THBD: variants seen among roughly 807,000 people sequenced by gnomAD.
The protein encoded by THBD is CD141 antigen.
For synonymous variants in THBD, 449 were observed against 374.2 expected (o/e 1.20, Z -2.31); for missense variants, 850 against 816.9 (o/e 1.04, Z -0.49).
In THBD at chr20:23,047,942, G is replaced by A; in HGVS notation, c.1563C>T (p.Ile521=). 1 of 1,609,774 alleles carries A rather than the reference G, an allele frequency of 6.2e-7. No homozygotes were observed. The highest frequency in any genetic ancestry group is 1.1e-5 in the South Asian group (1 of 90,470). The change falls in exon 1 of 1, where the codon ATC becomes ATT. Residue 521 remains isoleucine (I), a synonymous_variant. Transcript: ENST00000377103. Reference sequence around the variant, plus strand: ...CCACCAGGCACAGGCTCGCGATGGAGATGCCTATGAGCAAGCCCGAATGCA... The same window carrying A: ...CCACCAGGCACAGGCTCGCGATGGAAATGCCTATGAGCAAGCCCGAATGCA... ...GLVHSGLLIG[I]SIASLCLVVA... is the part of the protein sequence containing the mutation.
rs3176124 is a variant in THBD, at chr20:23,046,308, G to A, written c.*1469C>T. 527 of 152,480 alleles carry A rather than the reference G, an allele frequency of 3.5e-3. 2 individuals are homozygous for A. Among genetic ancestry groups the A allele is most frequent in the Non-Finnish European group, 5.1e-3 (345 of 68,008 alleles). The allele number at this position is 152,480 out of a possible 1,614,324, so 9.4% of individuals were successfully genotyped here. A position where few individuals can be genotyped will look rare whatever the true frequency, so the allele number is the denominator to read the frequency against. On this transcript the variant is annotated 3_prime_UTR_variant, in exon 1 of 1. Coordinates refer to ENST00000377103, the MANE Select transcript of THBD (RefSeq NM_000361.3). Reference sequence around the variant, plus strand: ...CACAAAGAAAATTCCTCAGTTTCTTGAAAATAAGGGCCTGACTTGGCCTGC... The same window carrying A: ...CACAAAGAAAATTCCTCAGTTTCTTAAAAATAAGGGCCTGACTTGGCCTGC...
rs1243541360 is a variant in THBD at position 23,047,940 on chromosome 20, G to A, written c.1565C>T (p.Ser522Phe). 3 of 1,609,798 alleles carry A rather than the reference G, an allele frequency of 1.9e-6. No individual in the cohort carries two copies. The highest frequency in any genetic ancestry group is 1.7e-5 in the Admixed American group (1 of 59,486). Reference sequence around the variant, plus strand: ...CACCACCAGGCACAGGCTCGCGATGGAGATGCCTATGAGCAAGCCCGAATG... The same window carrying A: ...CACCACCAGGCACAGGCTCGCGATGAAGATGCCTATGAGCAAGCCCGAATG... ...LVHSGLLIGI[S>F]IASLCLVVAL... Residue 522 changes from serine (S) to phenylalanine (F), a missense_variant, in exon 1 of 1, where the codon TCC becomes TTC. Ser to Phe is a radical substitution (Grantham distance 155). Transcript: ENST00000377103.
chr20:23,049,665 T>C lies in THBD; in HGVS notation c.-161A>G, dbSNP rs1363242763. 1 of 967,200 alleles carries C rather than the reference T, an allele frequency of 1.0e-6. No individual in the cohort carries two copies. Among genetic ancestry groups the C allele is most frequent in the South Asian group, 1.5e-5 (1 of 68,384 alleles). 59.9% of individuals were successfully genotyped at this position (967,200 alleles called of 1,614,324 possible). On this transcript the variant is annotated 5_prime_UTR_variant, in exon 1 of 1. Coordinates refer to ENST00000377103, the MANE Select transcript of THBD (RefSeq NM_000361.3). Reference sequence around the variant, plus strand: ...TGCGCGCAGCCCCTGCGAGGCAGCCTCTGACATGCGGATCGGCCAGGGCTC... The same window carrying C: ...TGCGCGCAGCCCCTGCGAGGCAGCCCCTGACATGCGGATCGGCCAGGGCTC...
rs750724405 is a variant in THBD at position 23,049,542 on chromosome 20, C to A, written c.-38G>T. The A allele has an allele frequency of 3.3e-6, 5 of 1,535,048 alleles. No individual in the cohort carries two copies. Among genetic ancestry groups the A allele is most frequent in the Admixed American group, 2.0e-5 (1 of 50,250 alleles). Reference sequence around the variant, plus strand: ...CGCCGCGTGCAGGCGCCGGGGAAAGCGCGGGCACTGCGACAGGGCCGTGCC... The same window carrying A: ...CGCCGCGTGCAGGCGCCGGGGAAAGAGCGGGCACTGCGACAGGGCCGTGCC... On this transcript the variant is annotated 5_prime_UTR_variant, in exon 1 of 1. Coordinates refer to ENST00000377103, the MANE Select transcript of THBD (RefSeq NM_000361.3).
In THBD at chr20:23,049,240, C is replaced by A. The variant is rs1363080140; in HGVS notation, c.265G>T (p.Gly89Cys). The A allele has an allele frequency of 6.4e-7, 1 of 1,555,638 alleles. No individual in the cohort carries two copies. The highest frequency in any genetic ancestry group is 2.0e-5 in the Admixed American group (1 of 51,222). ...CCGCAGCCGGGTGGCAGCTGCAGGCCGATCCAGAGGCGCCGGCGGCCAACG... is the reference window on the plus strand; with the variant it reads ...CCGCAGCCGGGTGGCAGCTGCAGGCAGATCCAGAGGCGCCGGCGGCCAACG... ...GGVGRRRLWI[G>C]LQLPPGCGDP... Residue 89 changes from glycine to cysteine, a missense_variant, in exon 1 of 1, where the codon GGC becomes TGC. By Grantham distance (159) the Gly-to-Cys change is radical. Coordinates refer to ENST00000377103, the MANE Select transcript of THBD (RefSeq NM_000361.3).
chr20:23,047,653 C>G lies in THBD; in HGVS notation c.*124G>C. On this transcript the variant is annotated 3_prime_UTR_variant, in exon 1 of 1. Coordinates refer to ENST00000377103, the MANE Select transcript of THBD (RefSeq NM_000361.3). ...CAGTTAGCCATGGAATAGAAGAAAA[C>G]AGCTTGGGGGGTGCGGGGAGGGTCT... 1 of 1,220,964 alleles carries G rather than the reference C, an allele frequency of 8.2e-7. No individual in the cohort carries two copies. The highest frequency in any genetic ancestry group is 1.5e-5 in the African/African-American group (1 of 65,718). The allele number at this position is 1,220,964 out of a possible 1,614,324, so 75.6% of individuals were successfully genotyped here. A position where few individuals can be genotyped will look rare whatever the true frequency, so the allele number is the denominator to read the frequency against.
At position 23,048,698 on chromosome 20, in the gene THBD, G is replaced by A. The variant is rs751437628; in HGVS notation, c.807C>T (p.Ala269=). ...GCCCGTCTGCCTGCAGGGCGGCGCC[G>A]GCTGGGCACTGGCAGCGGGGAGCCC... ...IPGAPRCQCP[A]GAALQADGRS... The change falls in exon 1 of 1, where the codon GCC becomes GCT. Residue 269 remains alanine, a synonymous_variant. Transcript: ENST00000377103. The A allele has an allele frequency of 1.3e-6, 2 of 1,584,038 alleles. No individual in the cohort carries two copies. Among genetic ancestry groups the A allele is most frequent in the Admixed American group, 1.7e-5 (1 of 58,112 alleles).
rs1330658118 is a variant in THBD at position 23,049,285 on chromosome 20, G to A, written c.220C>T (p.Leu74=). 3.2e-6 allele frequency: 5 copies of A among 1,570,172 alleles called. No individual in the cohort carries two copies. Among genetic ancestry groups the A allele is most frequent in the Non-Finnish European group, 4.3e-6 (5 of 1,159,972 alleles). Residue 74 remains leucine, a synonymous_variant, in exon 1 of 1, where the codon CTA becomes TTA. Coordinates refer to ENST00000377103, the MANE Select transcript of THBD (RefSeq NM_000361.3). ...SSVAADVISL[L]LNGDGGVGRR... ...CCAACGCCGCCGTCGCCGTTCAGTAGCAAGGAAATGACATCGGCAGCCACC... is the reference window on the plus strand; with the variant it reads ...CCAACGCCGCCGTCGCCGTTCAGTAACAAGGAAATGACATCGGCAGCCACC...
Position 23,049,002 on chromosome 20 carries a change from TC to T in THBD, c.502del (p.Glu168SerfsTer55). 6.4e-7 allele frequency: 1 copy of T among 1,571,212 alleles called. No homozygotes were observed. The highest frequency in any genetic ancestry group is 2.3e-5 in the East Asian group (1 of 42,914). On this transcript the variant is annotated frameshift_variant, in exon 1 of 1. Coordinates refer to ENST00000377103, the MANE Select transcript of THBD (RefSeq NM_000361.3). LOFTEE classifies it low-confidence loss of function (END_TRUNC). ...CCTGCAGGTGGCTGGGAAGTGGAAC[TC>T]GCAGAGGAAGCCATCGGCCTTCACT... ...CEVKADGFLCEFHFPATCRPL... is the reference protein window; with the variant it reads ...CEVKADGFLCXFHFPATCRPL...
Position 23,049,487 on chromosome 20 carries a change from G to C in THBD, c.18C>G (p.Val6=). The change falls in exon 1 of 1, where the codon GTC becomes GTG. Residue 6 remains valine (V), a synonymous_variant. Coordinates refer to ENST00000377103, the MANE Select transcript of THBD (RefSeq NM_000361.3). The stretch of plus-strand genomic sequence containing the variant: ...GGCCGGCCAGGGCCAGCGCGCCAAG[G>C]ACCAGGACCCCAAGCATGTTACCCA... The part of the protein sequence containing the change: MLGVL[V]LGALALAGLG... 6.5e-7 allele frequency: 1 copy of C among 1,540,570 alleles called. No homozygotes were observed. The highest frequency in any genetic ancestry group is 8.7e-7 in the Non-Finnish European group (1 of 1,143,410).
Position 23,047,493 on chromosome 20 carries a change from CT to C in THBD, c.*283del. 1.9e-6 allele frequency: 1 copy of C among 523,258 alleles called. No individual in the cohort carries two copies. Among genetic ancestry groups the C allele is most frequent in the Non-Finnish European group, 3.4e-6 (1 of 295,562 alleles). 32.4% of individuals were successfully genotyped at this position (523,258 alleles called of 1,614,324 possible). ...CTGCCGACCAATAACGCTCACCCTC[CT>C]GCGCCCGGTAGTGAGGACCTGGGAC... On this transcript the variant is annotated 3_prime_UTR_variant, in exon 1 of 1. Transcript: ENST00000377103.
At position 23,047,317 on chromosome 20, in the gene THBD, T is replaced by G; in HGVS notation, c.*460A>C. 6.4e-6 allele frequency: 1 copy of G among 157,458 alleles called. No homozygotes were observed. 9.8% of individuals were successfully genotyped at this position (157,458 alleles called of 1,614,324 possible). A position where few individuals can be genotyped will look rare whatever the true frequency, so the allele number is the denominator to read the frequency against. ...TTACCTGTCACATGACAAGTGGGAG[T>G]TTGTAGAGAGAGAGAGACCGGAGAG... is the stretch of plus-strand genomic sequence containing the variant. On this transcript the variant is annotated 3_prime_UTR_variant, in exon 1 of 1. Transcript: ENST00000377103.
chr20:23,049,498 C>T lies in THBD; in HGVS notation c.7G>A (p.Gly3Arg). The stretch of plus-strand genomic sequence containing the variant: ...GCCAGCGCGCCAAGGACCAGGACCC[C>T]AAGCATGTTACCCAGGCGCGCCGCG... ML[G>R]VLVLGALALA... is the part of the protein sequence containing the mutation. Residue 3 changes from glycine (G) to arginine (R), a missense_variant, in exon 1 of 1, where the codon GGG becomes AGG. Coordinates refer to ENST00000377103, the MANE Select transcript of THBD (RefSeq NM_000361.3). 2 of 1,535,750 alleles carry T rather than the reference C, an allele frequency of 1.3e-6. No individual in the cohort carries two copies. Among genetic ancestry groups the T allele is most frequent in the East Asian group, 2.5e-5 (1 of 40,294 alleles).
Position 23,048,675 on chromosome 20 carries a change from C to T in THBD, c.830G>A (p.Gly277Glu), listed in dbSNP as rs1297618391. The change falls in exon 1 of 1, where the codon GGG (glycine) becomes GAG (glutamate). Residue 277 changes from glycine to glutamate, a missense_variant. Transcript: ENST00000377103. ...CGTCGCGGATGCGGTGCAGGAGCGC[C>T]CGTCTGCCTGCAGGGCGGCGCCGGC... is the stretch of plus-strand genomic sequence containing the variant. ...CPAGAALQAD[G>E]RSCTASATQS... 5 of 1,587,970 alleles carry T rather than the reference C, an allele frequency of 3.1e-6. No individual in the cohort carries two copies. In the East Asian group the frequency reaches 6.8e-5, roughly 21 times the overall value.
chr20:23,047,791 G>T lies in THBD; in HGVS notation c.1714C>A (p.Pro572Thr). The change falls in exon 1 of 1, where the codon CCG becomes ACG. Residue 572 changes from proline to threonine, a missense_variant. Coordinates refer to ENST00000377103, the MANE Select transcript of THBD (RefSeq NM_000361.3). ...VLQHVRTERT[P>T]QRL ...ACGGAGGCCGCTCAGAGTCTCTGCG[G>T]CGTCCGCTCGGTCCGCACGTGCTGC... is the stretch of plus-strand genomic sequence containing the variant. The T allele has an allele frequency of 1.9e-6, 3 of 1,587,600 alleles. No homozygotes were observed. The highest frequency in any genetic ancestry group is 2.6e-6 in the Non-Finnish European group (3 of 1,168,094).
rs1568665674 is a variant in THBD, at chr20:23,047,927, C to T, written c.1578G>A (p.Leu526=). 6.2e-7 allele frequency: 1 copy of T among 1,609,924 alleles called. No individual in the cohort carries two copies. The highest frequency in any genetic ancestry group is 2.2e-5 in the East Asian group (1 of 44,710). Residue 526 remains leucine (L), a synonymous_variant, in exon 1 of 1, where the codon CTG becomes CTA. Coordinates refer to ENST00000377103, the MANE Select transcript of THBD (RefSeq NM_000361.3). ...GLLIGISIAS[L]CLVVALLALL... is the part of the protein sequence containing the mutation. ...GCGCCAAAAGCGCCACCACCAGGCA[C>T]AGGCTCGCGATGGAGATGCCTATGA...
Position 23,047,449 on chromosome 20 carries a change from T to C in THBD, c.*328A>G. On this transcript the variant is annotated 3_prime_UTR_variant, in exon 1 of 1. Transcript: ENST00000377103. ...TTTTAGTCATCCCTAGCCCACGAGG[T>C]CAAGGTCTGCCCAGAAGGCTGCCGA... The C allele has an allele frequency of 4.7e-6, 2 of 428,178 alleles. No homozygotes were observed. Among genetic ancestry groups the C allele is most frequent in the South Asian group, 5.0e-5 (1 of 20,028 alleles). 26.5% of individuals were successfully genotyped at this position (428,178 alleles called of 1,614,324 possible).
chr20:23,047,570 C>A lies in THBD; in HGVS notation c.*207G>T, dbSNP rs1984601616. 1.6e-6 allele frequency: 1 copy of A among 637,952 alleles called. No individual in the cohort carries two copies. The highest frequency in any genetic ancestry group is 2.8e-5 in the East Asian group (1 of 36,254). 39.5% of individuals were successfully genotyped at this position (637,952 alleles called of 1,614,324 possible). On this transcript the variant is annotated 3_prime_UTR_variant, in exon 1 of 1. Coordinates refer to ENST00000377103, the MANE Select transcript of THBD (RefSeq NM_000361.3). ...AAAATTGCCATCATTGCCCAGTGGTCCAGTGACGTCACGGAAGAGGCCGAG... is the reference window on the plus strand; with the variant it reads ...AAAATTGCCATCATTGCCCAGTGGTACAGTGACGTCACGGAAGAGGCCGAG...
In THBD at chr20:23,045,890, G is replaced by A. The variant is rs926777959; in HGVS notation, c.*1887C>T. The A allele has an allele frequency of 6.6e-6, 1 of 152,152 alleles. No homozygotes were observed. Among genetic ancestry groups the A allele is most frequent in the Non-Finnish European group, 1.5e-5 (1 of 68,040 alleles). The allele number at this position is 152,152 out of a possible 1,614,324, so 9.4% of individuals were successfully genotyped here. ...GACAACACAAGTGCTGGGGTACAGGGCAGCCCTCCATGCATCTCATAGCAT... is the reference window on the plus strand; with the variant it reads ...GACAACACAAGTGCTGGGGTACAGGACAGCCCTCCATGCATCTCATAGCAT... On this transcript the variant is annotated 3_prime_UTR_variant, in exon 1 of 1. Coordinates refer to ENST00000377103, the MANE Select transcript of THBD (RefSeq NM_000361.3).
Sources: gnomAD v4.1 joint callset for allele counts on GRCh38, gnomAD v4.1.1 for gene constraint, MANE v1.5 for transcripts, NCBI Gene and HGNC (gene_info 2026-07-23, HGNC 2026-07-21) for gene names.